NEDD4L: variants seen among roughly 807,000 people sequenced by gnomAD.
NEDD4L encodes E3 ubiquitin-protein ligase NEDD4-like.
A neutral mutation model predicts 148.9 loss-of-function variants in NEDD4L; 54 were observed. The ratio of observed to expected loss-of-function variants is 0.36; its 90% CI spans 0.29 to 0.45. The LOEUF (loss-of-function observed/expected upper bound fraction) is 0.45, where lower values mean the gene tolerates loss of function less well. NEDD4L is among the 20% of genes least tolerant of loss of function. The probability of loss-of-function intolerance (pLI) is 1.00; values close to 1 mark genes in which losing one functional copy is unlikely to be tolerated. For missense variants in NEDD4L, 856 were observed against 1,233.8 expected, an observed-to-expected ratio of 0.69 and a Z score of 4.59; for synonymous variants, 433 against 440.7, an observed-to-expected ratio of 0.98 and a Z score of 0.22.
chr18:58,325,207 C>T, intron 9 of NEDD4L, 45 bp downstream of exon 9: 1 of 1,597,952 alleles, frequency 6.3e-7, no homozygotes. Context: ...GTGCACTGCA[C>T]AGCTAGGGAC....
At chr18:58,316,975 A>G (rs1043263323) in intron 6 of NEDD4L, among the ~76,000 whole-genome samples, 2 of 36,972 alleles carry the variant, frequency 5.4e-5, no homozygotes, top group Admixed American at 2.4e-4. Context: ...ATTTAAAGCT[A>G]TTTAAAGCTA....
intron 1 of NEDD4L, among the ~76,000 whole-genome samples, chr18:58,135,023 G>T (rs1194043598): frequency 2.6e-5 from 4 of 151,718 alleles, no homozygotes; most frequent in African/African-American, 9.7e-5. Context: ...TCTATAATTG[G>T]ACTATACCCT....
chr18:58,054,030 A>G (rs1459826495), intron 1 of NEDD4L, among the ~76,000 whole-genome samples: 1 of 152,086 alleles, frequency 6.6e-6, no homozygotes, highest in Non-Finnish European at 1.5e-5. Context: ...CTTTCTATTA[A>G]TTTTTCTTGT....
chr18:58,072,868 GCGCGCACACACACACACACA>G (rs1231678979), intron 1 of NEDD4L, among the ~76,000 whole-genome samples: 17 of 115,880 alleles, frequency 1.5e-4, no homozygotes, highest in African/African-American at 8.2e-4. Context: ...GCGCGCGCGC[GCGCGCACACACACACACACA>G]CACACACACA....
At chr18:58,226,263 A>G (rs1378316424) in intron 2 of NEDD4L, among the ~76,000 whole-genome samples, 2 of 152,216 alleles carry the variant, frequency 1.3e-5, no homozygotes, top group African/African-American at 4.8e-5. Flanking sequence ...TCTAAGAGGT[A>G]TAGTAGTTTA....
At chr18:58,393,715 G>A (rs1317412418) in intron 30 of NEDD4L, among the ~76,000 whole-genome samples, 2 of 152,132 alleles carry the variant, frequency 1.3e-5, no homozygotes, top group East Asian at 1.9e-4. Flanking sequence ...TGGCTGTTTC[G>A]TGGCAACAGT....
At chr18:58,347,503 G>T (rs1330903166) in intron 16 of NEDD4L, among the ~76,000 whole-genome samples, 2 of 152,242 alleles carry the variant, frequency 1.3e-5, no homozygotes, top group East Asian at 3.9e-4. Flanking sequence ...TCCTCTGTCT[G>T]TAGTTAACCA....
intron 1 of NEDD4L, among the ~76,000 whole-genome samples, chr18:58,107,745 C>G (rs1191297336): frequency 1.3e-5 from 2 of 151,560 alleles, no homozygotes; most frequent in African/African-American, 2.4e-5. Context: ...AGGCTTTCAA[C>G]AGAGTCAGTC....
At chr18:58,097,791 G>A (rs1265201570) in intron 1 of NEDD4L, among the ~76,000 whole-genome samples, 1 of 152,092 alleles carries the variant, frequency 6.6e-6, no homozygotes, top group Non-Finnish European at 1.5e-5. Flanking sequence ...CAGCACTTTG[G>A]GAGACTCAGG....
At chr18:58,183,997 G>A (rs559746644) in intron 2 of NEDD4L, among the ~76,000 whole-genome samples, 111 of 152,174 alleles carry the variant, frequency 7.3e-4, no homozygotes, top group African/African-American at 2.0e-3. Context: ...GTGAAACCCC[G>A]TCTCTACTAA....
At chr18:58,284,301 CATG>C (rs2053592039) in intron 5 of NEDD4L, among the ~76,000 whole-genome samples, 1 of 152,152 alleles carries the variant, frequency 6.6e-6, no homozygotes, top group Non-Finnish European at 1.5e-5. Flanking sequence ...TCCTGGCCAA[CATG>C]ATGTCTAATG....
At chr18:58,310,510 TTTGA>T (rs1263516381) in intron 5 of NEDD4L, among the ~76,000 whole-genome samples, 1 of 152,228 alleles carries the variant, frequency 6.6e-6, no homozygotes, top group African/African-American at 2.4e-5. Flanking sequence ...TTGGCTCTTA[TTTGA>T]TTAAGGTAAT....
intron 5 of NEDD4L, among the ~76,000 whole-genome samples, chr18:58,280,075 GTATT>G (rs1056086849): frequency 1.2e-4 from 18 of 152,200 alleles, no homozygotes; most frequent in African/African-American, 4.3e-4. Flanking sequence ...GGGGGAGGAG[GTATT>G]TATTTTGTTT....
In NEDD4L at chr18:58,289,808, A is replaced by G. The variant is rs139661246; in HGVS notation, c.298-26174A>G. ...AGAGTTATAAAATCCCTTGAAATCT[A>G]TATGCACAAATTGTAAATACGTATG... On this transcript the variant is annotated intron_variant, in intron 5 of 30. Coordinates refer to ENST00000400345, the MANE Select transcript of NEDD4L (RefSeq NM_001144967.3). Among the ~76,000 whole-genome samples, 39 of 152,356 alleles carry G rather than the reference A, an allele frequency of 2.6e-4. 1 individual carries two copies. Among genetic ancestry groups the G allele is most frequent in the African/African-American group, 9.1e-4 (38 of 41,578 alleles).
At chr18:58,136,405 G>A (rs2032854348) in intron 1 of NEDD4L, among the ~76,000 whole-genome samples, 1 of 152,184 alleles carries the variant, frequency 6.6e-6, no homozygotes, top group Non-Finnish European at 1.5e-5. Flanking sequence ...TTTTCAAAGT[G>A]CCTTCTCTCC....
At position 58,209,457 on chromosome 18, in the gene NEDD4L, G is replaced by A. The variant is rs116519076; in HGVS notation, c.123-35970G>A. Reference sequence around the variant, plus strand: ...TTCTCTTTCTGCACACCCCACCCCCGCCCCCACTAGGGACAGTTTACTCTT... The same window carrying A: ...TTCTCTTTCTGCACACCCCACCCCCACCCCCACTAGGGACAGTTTACTCTT... On this transcript the variant is annotated intron_variant, in intron 2 of 30. Coordinates refer to ENST00000400345, the MANE Select transcript of NEDD4L (RefSeq NM_001144967.3). Among the ~76,000 whole-genome samples the A allele has an allele frequency of 3.7e-3, 20 of 5,404 alleles. 2 individuals are homozygous for A. Among genetic ancestry groups the A allele is most frequent in the African/African-American group, 0.023 (19 of 834 alleles). 3.5% of individuals were successfully genotyped at this position (5,404 alleles called of 152,430 possible).
At chr18:58,133,224 T>G (rs2032392828) in intron 1 of NEDD4L, among the ~76,000 whole-genome samples, 1 of 152,236 alleles carries the variant, frequency 6.6e-6, no homozygotes, top group Admixed American at 6.5e-5. Context: ...TAAATATTAC[T>G]GTTTAACATT....
chr18:58,147,136 A>G (rs1476772259), intron 1 of NEDD4L, among the ~76,000 whole-genome samples: 2 of 152,252 alleles, frequency 1.3e-5, no homozygotes, highest in Non-Finnish European at 2.9e-5. Flanking sequence ...CTGTGTGTGC[A>G]TTGGTAAATT....
At chr18:58,370,295 G>C in intron 22 of NEDD4L, 102 bp from the exon 23 acceptor site, 2 of 755,204 alleles carry the variant, frequency 2.6e-6, no homozygotes, top group Non-Finnish European at 4.7e-6. Context: ...CTCCTTCATG[G>C]TTTCTCATTT....
Sources: gnomAD v4.1 joint callset for allele counts (sites outside exome capture counted in the v4.1 genomes callset) on GRCh38, gnomAD v4.1.1 for gene constraint, MANE v1.5 for transcripts, NCBI Gene and HGNC (gene_info 2026-07-23, HGNC 2026-07-21) for gene names.